The following NTRK2 variants were observed in gnomAD, a reference collection of about 807,000 sequenced individuals.
NTRK2 encodes the protein neurotrophic receptor tyrosine kinase 2.
NTRK2 carries 13 observed loss-of-function variants against 94.5 expected under a neutral mutation model. That is an observed-to-expected ratio of 0.14 (90% CI 0.09 to 0.22). The LOEUF (loss-of-function observed/expected upper bound fraction) is 0.22. Ranked by LOEUF, NTRK2 falls within the 10% of genes least tolerant of loss-of-function variation. NTRK2 has a pLI of 1.00. For synonymous variants in NTRK2, 372 were observed against 407.4 expected (o/e 0.91, Z 1.05); for missense variants, 639 against 1,071.2 (o/e 0.60, Z 5.63).
chr9:84,829,985 C>G (rs2073431303), intron 12 of NTRK2, among the ~76,000 whole-genome samples: 1 of 152,148 alleles, frequency 6.6e-6, no homozygotes, highest in African/African-American at 2.4e-5. Context: ...GCAAAGCTTC[C>G]CTGTGGGTAT....
In NTRK2 at chr9:84,682,353, G is replaced by C. The variant is rs74931787; in HGVS notation, c.212+11393G>C. Among the ~76,000 whole-genome samples the C allele has an allele frequency of 5.4e-3, 820 of 152,264 alleles. 9 individuals carry two copies. Among genetic ancestry groups the C allele is most frequent in the African/African-American group, 0.019 (783 of 41,548 alleles). Reference sequence around the variant, plus strand: ...AATTATATTTTTTAAAGTAATATTTGAAAGTGATCAGAAATGCAAGCAGCG... The same window carrying C: ...AATTATATTTTTTAAAGTAATATTTCAAAGTGATCAGAAATGCAAGCAGCG... On this transcript the variant is annotated intron_variant, in intron 2 of 18. Transcript: ENST00000277120.
rs142980553 is a variant in NTRK2 at position 84,956,672 on chromosome 9, T to C, written c.2172+1155T>C. 2.0e-5 allele frequency among the ~76,000 whole-genome samples: 3 copies of C among 152,320 alleles called. No individual in the cohort carries two copies. In the East Asian group the frequency reaches 5.8e-4, roughly 29 times the overall value. On this transcript the variant is annotated intron_variant, in intron 17 of 18. Transcript: ENST00000277120. ...CTGGTGAAGATGCTGGCTTTGCTCT[T>C]CTCATTGTTATTTATTTTTGAGGAG...
chr9:84,870,331 G>GTGTATATATATATATATATATA (rs1349303529), intron 14 of NTRK2, among the ~76,000 whole-genome samples: 1 of 31,176 alleles, frequency 3.2e-5, no homozygotes, highest in Non-Finnish European at 6.8e-5. Flanking sequence ...GTGTGTGTGT[G>GTGTATATATATATATATATATA]TATATATATA....
At chr9:84,789,671 G>A (rs1296321492) in intron 12 of NTRK2, among the ~76,000 whole-genome samples, 1 of 152,162 alleles carries the variant, frequency 6.6e-6, no homozygotes, top group African/African-American at 2.4e-5. Flanking sequence ...TGCTGCACAT[G>A]TTTCACTATA....
At chr9:84,973,036 A>G (rs1458295546) in intron 17 of NTRK2, among the ~76,000 whole-genome samples, 1 of 152,126 alleles carries the variant, frequency 6.6e-6, no homozygotes, top group Non-Finnish European at 1.5e-5. Flanking sequence ...TTTCAAAGAC[A>G]TTGATTATAT....
chr9:84,895,588 C>G (rs1293588815), intron 14 of NTRK2, among the ~76,000 whole-genome samples: 1 of 152,146 alleles, frequency 6.6e-6, no homozygotes, highest in Non-Finnish European at 1.5e-5. Flanking sequence ...TAAACCGGTT[C>G]TTATTATCTT....
intron 14 of NTRK2, among the ~76,000 whole-genome samples, chr9:84,886,845 C>T (rs535474706): frequency 2.6e-5 from 4 of 152,120 alleles, no homozygotes; most frequent in Non-Finnish European, 5.9e-5. Flanking sequence ...CAGAGCAAGC[C>T]AGGAAGCAGA....
chr9:84,716,268 T>C (rs926921746), intron 6 of NTRK2, among the ~76,000 whole-genome samples: 14 of 152,314 alleles, frequency 9.2e-5, no homozygotes, highest in African/African-American at 3.1e-4. Context: ...CAACTTTTAA[T>C]GTAGAAGCTT....
At chr9:84,793,932 G>A (rs896008382) in intron 12 of NTRK2, among the ~76,000 whole-genome samples, 3 of 152,208 alleles carry the variant, frequency 2.0e-5, no homozygotes, top group African/African-American at 7.2e-5. Flanking sequence ...ACATATCGAA[G>A]GCAGAACTGG....
At position 85,021,519 on chromosome 9, in the gene NTRK2, G is replaced by A; in HGVS notation, c.*82G>A. On this transcript the variant is annotated 3_prime_UTR_variant, in exon 19 of 19. Transcript: ENST00000277120. ...TGAACATCTTTTAACTGCCGCTGGA[G>A]GCCACCAAGCTGCTCTCCTTCACTC... The A allele has an allele frequency of 7.2e-7, 1 of 1,390,180 alleles. No homozygotes were observed. Among genetic ancestry groups the A allele is most frequent in the Non-Finnish European group, 1.0e-6 (1 of 978,084 alleles). The allele number at this position is 1,390,180 out of a possible 1,614,324, so 86.1% of individuals were successfully genotyped here.
intron 17 of NTRK2, among the ~76,000 whole-genome samples, chr9:84,979,422 G>A (rs1451998654): frequency 6.6e-6 from 1 of 152,228 alleles, no homozygotes; most frequent in Non-Finnish European, 1.5e-5. Flanking sequence ...AGAATTAGAA[G>A]TGGAGCCTGG....
intron 14 of NTRK2, among the ~76,000 whole-genome samples, chr9:84,891,139 T>C (rs2076581471): frequency 6.6e-6 from 1 of 152,096 alleles, no homozygotes; most frequent in Non-Finnish European, 1.5e-5. Flanking sequence ...TGGTGATTGC[T>C]GGCAGGGAAT....
At chr9:84,926,041 A>C (rs951624317) in intron 14 of NTRK2, among the ~76,000 whole-genome samples, 2 of 152,094 alleles carry the variant, frequency 1.3e-5, no homozygotes, top group Non-Finnish European at 2.9e-5. Context: ...TGAACTACTT[A>C]GTGAGATATT....
chr9:84,750,746 C>A (rs1466406626), intron 11 of NTRK2, among the ~76,000 whole-genome samples: 1 of 152,202 alleles, frequency 6.6e-6, no homozygotes, highest in Non-Finnish European at 1.5e-5. Flanking sequence ...TTGCCAACTC[C>A]TGGTTTAGAG....
Position 84,871,877 on chromosome 9 carries a change from A to T in NTRK2, c.1633+4446A>T, listed in dbSNP as rs2075878860. On this transcript the variant is annotated intron_variant, in intron 14 of 18. Transcript: ENST00000277120. ...GCAGGAACTAAAGGAGGCTAAATCC[A>T]TGCCTGATGGAGGAGAAGAGTTCTA... 18 of 1,613,256 alleles carry T rather than the reference A, an allele frequency of 1.1e-5. No individual in the cohort carries two copies. In the East Asian group the frequency reaches 2.5e-4, roughly 22 times the overall value.
At chr9:84,798,058 G>T (rs993970166) in intron 12 of NTRK2, among the ~76,000 whole-genome samples, 2 of 150,738 alleles carry the variant, frequency 1.3e-5, no homozygotes, top group Admixed American at 6.7e-5. Context: ...ATAAACAACA[G>T]AAATTTATTT....
chr9:84,879,854 A>G (rs2076202407), intron 14 of NTRK2, among the ~76,000 whole-genome samples: 1 of 152,176 alleles, frequency 6.6e-6, no homozygotes, highest in Non-Finnish European at 1.5e-5. Context: ...AGGAGTGTCC[A>G]CATGGTGGGT....
intron 13 of NTRK2, among the ~76,000 whole-genome samples, chr9:84,866,470 C>A (rs901828782): frequency 6.6e-6 from 1 of 152,312 alleles, no homozygotes; most frequent in Non-Finnish European, 1.5e-5. Context: ...ATTCCCAGAA[C>A]AACTTTCAAT....
At chr9:84,695,770 C>T (rs1479737301) in intron 2 of NTRK2, among the ~76,000 whole-genome samples, 1 of 152,198 alleles carries the variant, frequency 6.6e-6, no homozygotes, top group Non-Finnish European at 1.5e-5. Context: ...ATATATATTT[C>T]CAATAATTTT....
Sources: allele counts gnomAD v4.1 joint callset (sites outside exome capture counted in the v4.1 genomes callset), GRCh38; gene constraint gnomAD v4.1.1; transcripts MANE v1.5; gene names NCBI Gene and HGNC (gene_info 2026-07-23, HGNC 2026-07-21).